CYP4F2: variants seen among roughly 807,000 people sequenced by gnomAD.
CYP4F2 encodes cytochrome P450 family 4 subfamily F member 2, also known as cytochrome P450 4F2.
A neutral mutation model predicts 58.9 loss-of-function variants in CYP4F2; 58 were observed. That is an observed-to-expected ratio of 0.98 (90% CI 0.80 to 1.23). CYP4F2 has a LOEUF of 1.23. Ranked by LOEUF, CYP4F2 falls within the 50% of genes most tolerant of loss-of-function variation. CYP4F2 has a pLI of 0.00. For synonymous variants in CYP4F2, 287 were observed against 261.1 expected (o/e 1.10, Z -0.95); for missense variants, 616 against 685.6 (o/e 0.90, Z 1.13).
chr19:15,894,210 A>G (rs1378183785), intron 3 of CYP4F2, among the ~76,000 whole-genome samples: 1 of 152,196 alleles, frequency 6.6e-6, no homozygotes, highest in African/African-American at 2.4e-5. Flanking sequence ...CCTGAGGCCT[A>G]AGACTAGGTC....
At chr19:15,884,090 GAA>G (rs2089361027) in intron 9 of CYP4F2, among the ~76,000 whole-genome samples, 1 of 151,706 alleles carries the variant, frequency 6.6e-6, no homozygotes, top group Admixed American at 6.6e-5. Context: ...AAGAAAGAGA[GAA>G]AGAGAGAGAG....
At position 15,893,110 on chromosome 19, in the gene CYP4F2, G is replaced by T. The variant is rs115949943; in HGVS notation, c.344-528C>A. Among the ~76,000 whole-genome samples the T allele has an allele frequency of 3.3e-5, 5 of 152,278 alleles. No homozygotes were observed. The South Asian group carries it at 8.3e-4, about 25-fold the overall frequency. On this transcript the variant is annotated intron_variant, in intron 3 of 12. Transcript: ENST00000221700. ...GATGGTCTAACATGATCTTAAAAGC[G>T]TGTTCCACATACAGGCTCTGGGTTG...
chr19:15,879,670 T>G lies in CYP4F2; in HGVS notation c.1250-2A>C, dbSNP rs749559440. The G allele has an allele frequency of 3.1e-6, 5 of 1,614,164 alleles. No homozygotes were observed. In the South Asian group the frequency reaches 5.5e-5, roughly 18 times the overall value. On this transcript the variant is annotated splice_acceptor_variant, in intron 10 of 12. Coordinates refer to ENST00000221700, the MANE Select transcript of CYP4F2 (RefSeq NM_001082.5). LOFTEE classifies it high-confidence loss of function. Reference sequence around the variant, plus strand: ...AAACACTGATGAGGCAGATAATGCCTGTGGGAGAGAAGGGAGCAGTCAGGA... The same window carrying G: ...AAACACTGATGAGGCAGATAATGCCGGTGGGAGAGAAGGGAGCAGTCAGGA...
chr19:15,884,134 G>C (rs540171326), intron 9 of CYP4F2, among the ~76,000 whole-genome samples: 118 of 152,056 alleles, frequency 7.8e-4, no homozygotes, highest in African/African-American at 2.7e-3. Context: ...AAGGAAGAAA[G>C]GAAATGTGGC....
At chr19:15,895,954 C>G (rs1037334390) in intron 2 of CYP4F2, among the ~76,000 whole-genome samples, 1 of 152,132 alleles carries the variant, frequency 6.6e-6, no homozygotes, top group African/African-American at 2.4e-5. Flanking sequence ...TCTACATAAT[C>G]TATCCATCCT....
At chr19:15,892,177 G>A in intron 5 of CYP4F2, 132 bp downstream of exon 5, 1 of 1,453,058 alleles carries the variant, frequency 6.9e-7, no homozygotes, top group South Asian at 1.3e-5. Context: ...TTTTACAGAT[G>A]AGGAAACCAA....
At chr19:15,881,350 A>G (rs2089343082) in intron 9 of CYP4F2, among the ~76,000 whole-genome samples, 1 of 152,202 alleles carries the variant, frequency 6.6e-6, no homozygotes, top group Admixed American at 6.5e-5. Flanking sequence ...TTACAAATAT[A>G]TACATTTGTG....
rs149955936 is a variant in CYP4F2 at position 15,889,591 on chromosome 19, G to A, written c.750C>T (p.Thr250=). 2 of 1,614,186 alleles carry A rather than the reference G, an allele frequency of 1.2e-6. No homozygotes were observed. Among genetic ancestry groups the A allele is most frequent in the African/African-American group, 1.3e-5 (1 of 75,030 alleles). The change falls in exon 7 of 13, where the codon ACC becomes ACT. Residue 250 remains threonine (T), a synonymous_variant. Coordinates refer to ENST00000221700, the MANE Select transcript of CYP4F2 (RefSeq NM_001082.5). ...CCCTGCGGAAACGCTGCCCATCAGG[G>A]GTGAGATAATACAGGAAGTCAATAT... is the stretch of plus-strand genomic sequence containing the variant. ...LLHIDFLYYL[T]PDGQRFRRAC... is the part of the protein sequence containing the mutation.
rs755536102 is a variant in CYP4F2 at position 15,878,929 on chromosome 19, T to C, written c.1405A>G (p.Ile469Val). Residue 469 changes from isoleucine (I) to valine (V), a missense_variant, in exon 13 of 13, where the codon ATC becomes GTC. Ile to Val is a conservative substitution (Grantham distance 29). Coordinates refer to ENST00000221700, the MANE Select transcript of CYP4F2 (RefSeq NM_001082.5). Reference sequence around the variant, plus strand: ...TCCGCCATCGCGAACGTCTGCCCGATGCAGTTCCTAGGGGAGGGAGGTGGG... The same window carrying C: ...TCCGCCATCGCGAACGTCTGCCCGACGCAGTTCCTAGGGGAGGGAGGTGGG... ...IPFSAGPRNC[I>V]GQTFAMAEMK... 6.2e-7 allele frequency: 1 copy of C among 1,613,434 alleles called. No individual in the cohort carries two copies. Among genetic ancestry groups the C allele is most frequent in the Non-Finnish European group, 8.5e-7 (1 of 1,179,760 alleles).
chr19:15,883,707 C>A (rs1395990491), intron 9 of CYP4F2, among the ~76,000 whole-genome samples: 1 of 152,158 alleles, frequency 6.6e-6, no homozygotes, highest in Non-Finnish European at 1.5e-5. Context: ...TTTATTGCAG[C>A]ACTATTCAAA....
rs768028960 is a variant in CYP4F2, at chr19:15,889,514, C to A, written c.827G>T (p.Arg276Leu). The change falls in exon 7 of 13, where the codon CGC (arginine) becomes CTC (leucine). Residue 276 changes from arginine (R) to leucine (L), a missense_variant. Physicochemically the swap from Arg to Leu is moderately radical, Grantham distance 102 (BLOSUM62 -2). Coordinates refer to ENST00000221700, the MANE Select transcript of CYP4F2 (RefSeq NM_001082.5). Reference protein sequence around the residue: ...FTDAVIQERRRTLPSQGVDDF... With the variant: ...FTDAVIQERRLTLPSQGVDDF... Reference sequence around the variant, plus strand: ...ATCAACACCCTGGCTAGGGAGAGTGCGGCGCCGCTCCTGGATGACGGCATC... The same window carrying A: ...ATCAACACCCTGGCTAGGGAGAGTGAGGCGCCGCTCCTGGATGACGGCATC... 5.0e-6 allele frequency: 8 copies of A among 1,614,080 alleles called. No individual in the cohort carries two copies. The highest frequency in any genetic ancestry group is 2.2e-5 in the East Asian group (1 of 44,886).
intron 7 of CYP4F2, 67 bp downstream of exon 7, chr19:15,889,356 C>T (rs3093158): frequency 0.67 from 1,069,256 of 1,606,332 alleles, 358,341 homozygotes; most frequent in South Asian, 0.69. Context: ...AAGTTCAAAT[C>T]CTTTCATCTG....
chr19:15,884,634 T>A (rs1284327367), intron 9 of CYP4F2, among the ~76,000 whole-genome samples: 2 of 152,036 alleles, frequency 1.3e-5, no homozygotes, highest in Non-Finnish European at 2.9e-5. Context: ...TAAAAAATTG[T>A]TTGTTAAAAA....
rs766991712 is a variant in CYP4F2 at position 15,878,770 on chromosome 19, C to T, written c.*1G>A. ...GGGGTCAGAGTGGGTCTCTGCAGAA[C>T]TCAGCTCAGGGGCTCCACCCGCAGC... is the stretch of plus-strand genomic sequence containing the variant. On this transcript the variant is annotated 3_prime_UTR_variant, in exon 13 of 13. Transcript: ENST00000221700. 6.2e-7 allele frequency: 1 copy of T among 1,613,166 alleles called. No homozygotes were observed. Among genetic ancestry groups the T allele is most frequent in the South Asian group, 1.1e-5 (1 of 90,928 alleles).
In CYP4F2 at chr19:15,897,158, G is replaced by A. The variant is rs116117461; in HGVS notation, c.198+256C>T. Among the ~76,000 whole-genome samples, 247 of 152,228 alleles carry A rather than the reference G, an allele frequency of 1.6e-3. 2 individuals are homozygous for A. Among genetic ancestry groups the A allele is most frequent in the African/African-American group, 5.5e-3 (227 of 41,548 alleles). On this transcript the variant is annotated intron_variant, in intron 2 of 12. Coordinates refer to ENST00000221700, the MANE Select transcript of CYP4F2 (RefSeq NM_001082.5). ...AGCCAACCCTCTGCCCAGGAGCCCC[G>A]CAGAGGTGCATTAATGTGGGAAGAC...
chr19:15,884,112 G>A (rs1365928259), intron 9 of CYP4F2, among the ~76,000 whole-genome samples: 1 of 151,802 alleles, frequency 6.6e-6, no homozygotes, highest in Non-Finnish European at 1.5e-5. Context: ...GGGAGGGAGG[G>A]AGGAAGGAAG....
rs3093118 is a variant in CYP4F2 at position 15,894,593 on chromosome 19, C to A, written c.343+913G>T. Reference sequence around the variant, plus strand: ...GGCCACCCTCCCTGGACTTTAAAGTCAATAGATTATCTTTCTTTGCTTAGA... The same window carrying A: ...GGCCACCCTCCCTGGACTTTAAAGTAAATAGATTATCTTTCTTTGCTTAGA... On this transcript the variant is annotated intron_variant, in intron 3 of 12. Coordinates refer to ENST00000221700, the MANE Select transcript of CYP4F2 (RefSeq NM_001082.5). Among the ~76,000 whole-genome samples the A allele has an allele frequency of 1.7e-3, 264 of 152,282 alleles. 2 individuals are homozygous for A. Among genetic ancestry groups the A allele is most frequent in the African/African-American group, 5.5e-3 (230 of 41,566 alleles).
At chr19:15,892,926 C>T (rs1277870453) in intron 3 of CYP4F2, among the ~76,000 whole-genome samples, 2 of 152,202 alleles carry the variant, frequency 1.3e-5, no homozygotes, top group East Asian at 3.9e-4. Flanking sequence ...CTAGGACACC[C>T]TGTCTGTCCC....
At chr19:15,886,503 C>T in intron 7 of CYP4F2, 195 bp from the exon 8 acceptor site, 1 of 609,266 alleles carries the variant, frequency 1.6e-6, no homozygotes, top group East Asian at 2.8e-5. Context: ...TCCTCTCTGG[C>T]TTCCTTGCCT....
Sources: allele counts gnomAD v4.1 joint callset (sites outside exome capture counted in the v4.1 genomes callset), GRCh38; gene constraint gnomAD v4.1.1; transcripts MANE v1.5; gene names NCBI Gene and HGNC (gene_info 2026-07-23, HGNC 2026-07-21).